Variants in DMRT1 observed in about 807,000 individuals in gnomAD.
The protein encoded by DMRT1 is doublesex and mab-3 related transcription factor 1, also known as doublesex- and mab-3-related transcription factor 1.
DMRT1 carries 7 observed loss-of-function variants against 32.3 expected under a neutral mutation model. The observed-to-expected ratio is 0.22, with a 90% CI of 0.12 to 0.41. The LOEUF (loss-of-function observed/expected upper bound fraction) is 0.41, where lower values mean the gene tolerates loss of function less well. Among genes scored for constraint, DMRT1 ranks in the 10% least tolerant of loss-of-function variants. The probability of loss-of-function intolerance (pLI) is 1.00; values close to 1 mark genes in which losing one functional copy is unlikely to be tolerated. For missense variants in DMRT1, 625 were observed against 500.5 expected, an observed-to-expected ratio of 1.25 and a Z score of -2.37; for synonymous variants, 278 against 206.1, an observed-to-expected ratio of 1.35 and a Z score of -2.99.
chr9:854,519 T>C (rs1166520119), intron 2 of DMRT1, among the ~76,000 whole-genome samples: 1 of 152,190 alleles, frequency 6.6e-6, no homozygotes, highest in Non-Finnish European at 1.5e-5. Context: ...TGGAGTTTTC[T>C]AATGTTGTAA....
chr9:916,137 G>A lies in DMRT1; in HGVS notation c.823-626G>A, dbSNP rs189661522. 1.4e-4 allele frequency among the ~76,000 whole-genome samples: 22 copies of A among 152,238 alleles called. 1 individual carries two copies. The East Asian group carries it at 3.9e-3, about 27-fold the overall frequency. On this transcript the variant is annotated intron_variant, in intron 3 of 4. Coordinates refer to ENST00000382276, the MANE Select transcript of DMRT1 (RefSeq NM_021951.3). ...CATGGGAAGAGGTCTGATAACTTGC[G>A]CCCGTTCAAACAAATTTGTTAGTGT...
chr9:864,587 G>C (rs1363596542), intron 2 of DMRT1, among the ~76,000 whole-genome samples: 1 of 147,776 alleles, frequency 6.8e-6, no homozygotes, highest in Non-Finnish European at 1.5e-5. Context: ...CAAGCTCTGT[G>C]TCCCAGGCTC....
At chr9:853,263 G>C (rs183523811) in intron 2 of DMRT1, among the ~76,000 whole-genome samples, 151 of 152,060 alleles carry the variant, frequency 9.9e-4, no homozygotes, top group African/African-American at 3.4e-3. Flanking sequence ...GTCATCCAGA[G>C]TCCGTAGTTT....
At chr9:845,141 G>C (rs151326636) in intron 1 of DMRT1, among the ~76,000 whole-genome samples, 308 of 152,306 alleles carry the variant, frequency 2.0e-3, no homozygotes, top group African/African-American at 7.2e-3. Flanking sequence ...TCAACAGAAA[G>C]TCTTTGTTAC....
intron 3 of DMRT1, among the ~76,000 whole-genome samples, chr9:908,713 T>A (rs56863870): frequency 6.6e-6 from 1 of 152,086 alleles, no homozygotes; most frequent in African/African-American, 2.4e-5. Flanking sequence ...TGTTTTTGCA[T>A]GTGTAGTGGG....
At position 897,256 on chromosome 9, in the gene DMRT1, G is replaced by A. The variant is rs552082150; in HGVS notation, c.822+3061G>A. Among the ~76,000 whole-genome samples, 356 of 152,000 alleles carry A rather than the reference G, an allele frequency of 2.3e-3. 2 individuals are homozygous for A. The highest frequency in any genetic ancestry group is 7.5e-3 in the African/African-American group (310 of 41,500). On this transcript the variant is annotated intron_variant, in intron 3 of 4. Coordinates refer to ENST00000382276, the MANE Select transcript of DMRT1 (RefSeq NM_021951.3). ...GCCTACTGAGTAGCTGGGACTACAG[G>A]CACGTGCCATCACGCGTGGCTATTT...
At chr9:904,510 C>T (rs757171488) in intron 3 of DMRT1, among the ~76,000 whole-genome samples, 1 of 152,148 alleles carries the variant, frequency 6.6e-6, no homozygotes, top group Non-Finnish European at 1.5e-5. Flanking sequence ...CAAAAAATAT[C>T]CACTGTATTA....
chr9:859,438 C>T (rs894252959), intron 2 of DMRT1, among the ~76,000 whole-genome samples: 1 of 152,096 alleles, frequency 6.6e-6, no homozygotes, highest in African/African-American at 2.4e-5. Flanking sequence ...GCCTGTGGGT[C>T]CCCTGGGGCT....
At chr9:953,989 T>C (rs970981825) in intron 4 of DMRT1, among the ~76,000 whole-genome samples, 1 of 151,970 alleles carries the variant, frequency 6.6e-6, no homozygotes, top group African/African-American at 2.4e-5. Context: ...ACTGTGGGCA[T>C]TAGAGAAGGG....
chr9:949,772 T>G (rs28691211), intron 4 of DMRT1, among the ~76,000 whole-genome samples: 21,068 of 152,214 alleles, frequency 0.14, 1,728 homozygotes, highest in African/African-American at 0.21. Flanking sequence ...TCTGTGGGTT[T>G]GGCTATTTTA....
At chr9:916,959 C>G in intron 4 of DMRT1, 52 bp downstream of exon 4, 1 of 1,601,024 alleles carries the variant, frequency 6.2e-7, no homozygotes, top group East Asian at 2.2e-5. Context: ...GGATGGCTAT[C>G]CAGTATTGGG....
chr9:939,425 A>G (rs990115870), intron 4 of DMRT1, among the ~76,000 whole-genome samples: 3 of 152,234 alleles, frequency 2.0e-5, no homozygotes, highest in Admixed American at 6.5e-5. Flanking sequence ...TTATGTCAGG[A>G]TATTTCCAAA....
At chr9:843,975 A>G (rs1294922398) in intron 1 of DMRT1, among the ~76,000 whole-genome samples, 2 of 147,786 alleles carry the variant, frequency 1.4e-5, no homozygotes, top group African/African-American at 5.0e-5. Context: ...ATGCATCACA[A>G]TGAGTTTACT....
intron 2 of DMRT1, among the ~76,000 whole-genome samples, chr9:892,848 C>T (rs530848599): frequency 2.1e-4 from 32 of 152,286 alleles, no homozygotes; most frequent in African/African-American, 7.7e-4. Context: ...AGCCTCACTT[C>T]CCTGCCCATC....
At chr9:891,628 C>T (rs940305594) in intron 2 of DMRT1, among the ~76,000 whole-genome samples, 1 of 151,706 alleles carries the variant, frequency 6.6e-6, no homozygotes, top group African/African-American at 2.4e-5. Context: ...GATTCTCCTG[C>T]CTCAGCCTCC....
At chr9:934,392 G>A (rs943599725) in intron 4 of DMRT1, among the ~76,000 whole-genome samples, 4 of 152,212 alleles carry the variant, frequency 2.6e-5, no homozygotes, top group African/African-American at 7.2e-5. Flanking sequence ...AGAGCTGGAT[G>A]TGATGGCATG....
chr9:931,779 G>T (rs540976295), intron 4 of DMRT1, among the ~76,000 whole-genome samples: 64 of 152,296 alleles, frequency 4.2e-4, no homozygotes, highest in African/African-American at 1.5e-3. Context: ...CTCCCTAAAG[G>T]CCCTGTCTCC....
chr9:959,666 T>TA (rs1819707487), intron 4 of DMRT1, among the ~76,000 whole-genome samples: 1 of 152,182 alleles, frequency 6.6e-6, no homozygotes, highest in Non-Finnish European at 1.5e-5. Flanking sequence ...TAGCTGGGAT[T>TA]ACAGGCATGT....
At chr9:867,375 C>T (rs1394429402) in intron 2 of DMRT1, among the ~76,000 whole-genome samples, 1 of 152,180 alleles carries the variant, frequency 6.6e-6, no homozygotes, top group East Asian at 1.9e-4. Context: ...GCGGGCAGTG[C>T]TTTATTCTGT....
Sources: allele counts gnomAD v4.1 joint callset (sites outside exome capture counted in the v4.1 genomes callset), GRCh38; gene constraint gnomAD v4.1.1; transcripts MANE v1.5; gene names NCBI Gene and HGNC (gene_info 2026-07-23, HGNC 2026-07-21).